EXOC6B: variants seen among roughly 807,000 people sequenced by gnomAD.
EXOC6B encodes exocyst complex component 6B, also known as SEC15 homolog B.
EXOC6B carries 54 observed loss-of-function variants against 113.5 expected under a neutral mutation model. That is an observed-to-expected ratio of 0.48 (90% confidence interval 0.38 to 0.60). The LOEUF (loss-of-function observed/expected upper bound fraction) is 0.60, where lower values mean the gene tolerates loss of function less well. Among genes scored for constraint, EXOC6B ranks in the 20% least tolerant of loss-of-function variants. The pLI is 0.00. For missense variants in EXOC6B, 797 were observed against 977.5 expected (o/e 0.82, Z 2.46); for synonymous variants, 357 against 339.0 (o/e 1.05, Z -0.58).
intron 1 of EXOC6B, among the ~76,000 whole-genome samples, chr2:72,795,570 C>T (rs1470985652): frequency 1.3e-5 from 2 of 151,766 alleles, no homozygotes; most frequent in Non-Finnish European, 1.5e-5. Flanking sequence ...AGCAAGACTC[C>T]GTCTCAAAAA....
intron 19 of EXOC6B, among the ~76,000 whole-genome samples, chr2:72,350,667 C>A (rs1030609962): frequency 6.6e-6 from 1 of 152,184 alleles, no homozygotes; most frequent in African/African-American, 2.4e-5. Flanking sequence ...TTACGTAAGG[C>A]GTCAAAGATT....
chr2:72,273,111 T>TCAA (rs971853493), intron 20 of EXOC6B, among the ~76,000 whole-genome samples: 1 of 152,090 alleles, frequency 6.6e-6, no homozygotes, highest in Non-Finnish European at 1.5e-5. Context: ...CTTTCTCAAA[T>TCAA]CAAGGTATCC....
chr2:72,642,920 A>G (rs1192130117), intron 6 of EXOC6B, among the ~76,000 whole-genome samples: 1 of 148,864 alleles, frequency 6.7e-6, no homozygotes. Context: ...ATTTACAAGA[A>G]AAAAACAAAC....
intron 6 of EXOC6B, among the ~76,000 whole-genome samples, chr2:72,707,119 T>C (rs1021549791): frequency 3.3e-5 from 5 of 152,162 alleles, no homozygotes; most frequent in African/African-American, 1.2e-4. Flanking sequence ...TCAAATCATC[T>C]TCACTGTGCC....
At chr2:72,703,062 C>T (rs1260087830) in intron 6 of EXOC6B, among the ~76,000 whole-genome samples, 10 of 144,650 alleles carry the variant, frequency 6.9e-5, no homozygotes, top group African/African-American at 2.3e-4. Context: ...TTAGGTCTAA[C>T]GTTTAAGTCT....
intron 19 of EXOC6B, among the ~76,000 whole-genome samples, chr2:72,345,651 T>A (rs1002528428): frequency 2.0e-5 from 3 of 151,980 alleles, no homozygotes; most frequent in African/African-American, 7.3e-5. Flanking sequence ...CAGTAAAGGA[T>A]CAGAGCTTGC....
chr2:72,525,823 G>T lies in EXOC6B; in HGVS notation c.916-10697C>A, dbSNP rs894995285. 1.1e-4 allele frequency among the ~76,000 whole-genome samples: 16 copies of T among 152,136 alleles called. No individual in the cohort carries two copies. The East Asian group carries it at 2.7e-3, about 26-fold the overall frequency. On this transcript the variant is annotated intron_variant, in intron 8 of 21. Transcript: ENST00000272427. Reference sequence around the variant, plus strand: ...CATAACATACCAGTTACAACTAAGGGTATGTGAGAACAGAAATAAACCAAA... The same window carrying T: ...CATAACATACCAGTTACAACTAAGGTTATGTGAGAACAGAAATAAACCAAA...
chr2:72,452,053 A>G (rs1312375146), intron 18 of EXOC6B, among the ~76,000 whole-genome samples: 1 of 152,206 alleles, frequency 6.6e-6, no homozygotes, highest in Non-Finnish European at 1.5e-5. Flanking sequence ...TTGTCAAAGA[A>G]GCAAAAATGT....
At chr2:72,457,296 G>A (rs967671128) in intron 18 of EXOC6B, among the ~76,000 whole-genome samples, 10 of 152,052 alleles carry the variant, frequency 6.6e-5, no homozygotes, top group Admixed American at 1.3e-4. Context: ...AGTACTAAAA[G>A]AAATGTCAGT....
intron 1 of EXOC6B, among the ~76,000 whole-genome samples, chr2:72,750,024 C>G (rs7588400): frequency 0.62 from 93,435 of 151,472 alleles, 34,739 homozygotes; most frequent in East Asian, 0.99. Context: ...GTGGGTGACA[C>G]ATATATACAT....
chr2:72,606,942 TG>T (rs1300901455), intron 6 of EXOC6B, among the ~76,000 whole-genome samples: 2 of 152,142 alleles, frequency 1.3e-5, no homozygotes, highest in Admixed American at 1.3e-4. Context: ...TATCAAGATT[TG>T]ATCTACCAAA....
At chr2:72,663,750 A>C (rs1364229843) in intron 6 of EXOC6B, among the ~76,000 whole-genome samples, 1 of 152,172 alleles carries the variant, frequency 6.6e-6, no homozygotes, top group East Asian at 1.9e-4. Context: ...AGGGCAGTGA[A>C]ACTATTCCAT....
intron 20 of EXOC6B, among the ~76,000 whole-genome samples, chr2:72,319,336 T>C (rs1687716001): frequency 6.6e-6 from 1 of 152,070 alleles, no homozygotes; most frequent in Non-Finnish European, 1.5e-5. Flanking sequence ...CCCACTAAGA[T>C]CACAAACAAG....
At chr2:72,551,636 C>T (rs1703230826) in intron 8 of EXOC6B, among the ~76,000 whole-genome samples, 1 of 151,724 alleles carries the variant, frequency 6.6e-6, no homozygotes, top group Non-Finnish European at 1.5e-5. Context: ...TCACGAGTAG[C>T]TGGGACTACA....
intron 1 of EXOC6B, among the ~76,000 whole-genome samples, chr2:72,777,678 A>G (rs934445928): frequency 1.3e-5 from 2 of 152,168 alleles, no homozygotes; most frequent in Non-Finnish European, 2.9e-5. Context: ...TACAAAAGTC[A>G]GTATTATTGA....
chr2:72,412,001 G>A (rs1694215482), intron 18 of EXOC6B, among the ~76,000 whole-genome samples: 1 of 152,012 alleles, frequency 6.6e-6, no homozygotes, highest in African/African-American at 2.4e-5. Flanking sequence ...AGCATACTAT[G>A]AAACAAACAC....
At chr2:72,753,474 C>T (rs1332218702) in intron 1 of EXOC6B, among the ~76,000 whole-genome samples, 1 of 152,076 alleles carries the variant, frequency 6.6e-6, no homozygotes, top group African/African-American at 2.4e-5. Flanking sequence ...CCCTATTCTC[C>T]CCAGCTACTG....
At chr2:72,764,886 T>C (rs1380381939) in intron 1 of EXOC6B, among the ~76,000 whole-genome samples, 1 of 152,224 alleles carries the variant, frequency 6.6e-6, no homozygotes, top group African/African-American at 2.4e-5. Context: ...AATATTGCCA[T>C]TCCTTCCTGG....
In EXOC6B at chr2:72,480,593, AC is replaced by A. The variant is rs781282459; in HGVS notation, c.1800+22del. On this transcript the variant is annotated intron_variant, in intron 17 of 21. Transcript: ENST00000272427. ...GACTGTGTACACCAGAAGCAGTTCC[AC>A]AGTACTGTAGGGCCCTCTCACCTTA... The A allele has an allele frequency of 1.2e-5, 19 of 1,562,424 alleles. No homozygotes were observed. In the African/African-American group the frequency reaches 2.0e-4, roughly 17 times the overall value.
Sources: allele counts gnomAD v4.1 joint callset (sites outside exome capture counted in the v4.1 genomes callset), GRCh38; gene constraint gnomAD v4.1.1; transcripts MANE v1.5; gene names NCBI Gene and HGNC (gene_info 2026-07-23, HGNC 2026-07-21).